The following CATSPERT variants were observed in gnomAD, a reference collection of about 807,000 sequenced individuals.
CATSPERT encodes the protein catsper channel auxiliary subunit tau, also known as cation channel sperm-associated targeting subunit tau.
the CATSPERT span, among the ~76,000 whole-genome samples, chr2:201,595,224 T>A: frequency 6.7e-6 from 1 of 149,200 alleles, no homozygotes; most frequent in Non-Finnish European, 1.5e-5. Context: ...GGAGTCTCAC[T>A]GTCGCCCAGG....
the CATSPERT span, among the ~76,000 whole-genome samples, chr2:201,530,547 C>T: frequency 2.0e-5 from 3 of 149,978 alleles, no homozygotes; most frequent in Non-Finnish European, 4.4e-5. Flanking sequence ...GGCATATTTC[C>T]CAACAGTACC....
At chr2:201,514,447 G>T in the CATSPERT span, among the ~76,000 whole-genome samples, 30 of 152,138 alleles carry the variant, frequency 2.0e-4, no homozygotes, top group Admixed American at 1.8e-3. Flanking sequence ...GATCATATCA[G>T]TAATTTCAGA....
At chr2:201,497,233 C>T in the CATSPERT span, among the ~76,000 whole-genome samples, 2 of 152,220 alleles carry the variant, frequency 1.3e-5, no homozygotes, top group Non-Finnish European at 2.9e-5. Flanking sequence ...TCCTCACATA[C>T]CAACTCTATA....
the CATSPERT span, among the ~76,000 whole-genome samples, chr2:201,530,096 GAATGAT>G: frequency 6.6e-6 from 1 of 152,010 alleles, no homozygotes; most frequent in Non-Finnish European, 1.5e-5. Context: ...TCAAAAAGAA[GAATGAT>G]ACGTGTTGGC....
the CATSPERT span, chr2:201,574,160 T>C: frequency 7.4e-7 from 1 of 1,345,668 alleles, no homozygotes; most frequent in Non-Finnish European, 1.0e-6. Context: ...AGAGGACGAT[T>C]TGACTGAAGA....
At chr2:201,565,899 T>C in the CATSPERT span, 35 of 1,560,094 alleles carry the variant, frequency 2.2e-5, no homozygotes, top group Non-Finnish European at 2.5e-5. Context: ...AAGTGAAATA[T>C]TGAAATTATA....
chr2:201,586,899 T>C, the CATSPERT span, among the ~76,000 whole-genome samples: 2 of 152,242 alleles, frequency 1.3e-5, no homozygotes, highest in African/African-American at 4.8e-5. Flanking sequence ...TTTACTGTCA[T>C]TTTCTAAGTT....
the CATSPERT span, chr2:201,491,413 T>C: frequency 6.5e-6 from 10 of 1,537,262 alleles, no homozygotes; most frequent in African/African-American, 1.4e-5. Flanking sequence ...TTGGAATGAC[T>C]GTATTTCAGG....
the CATSPERT span, among the ~76,000 whole-genome samples, chr2:201,602,048 G>A: frequency 6.6e-6 from 1 of 151,922 alleles, no homozygotes; most frequent in East Asian, 1.9e-4. Context: ...GCCCATCACT[G>A]GTGGACACAA....
At chr2:201,518,716 A>G in the CATSPERT span, among the ~76,000 whole-genome samples, 1 of 152,260 alleles carries the variant, frequency 6.6e-6, no homozygotes, top group Admixed American at 6.5e-5. Context: ...TTCAGTTGGT[A>G]ATAATGCACT....
chr2:201,562,420 C>G, the CATSPERT span, among the ~76,000 whole-genome samples: 1 of 151,820 alleles, frequency 6.6e-6, no homozygotes, highest in Non-Finnish European at 1.5e-5. Flanking sequence ...ATCTCCTGAC[C>G]TCGTGATCCA....
chr2:201,501,437 C>T, the CATSPERT span, among the ~76,000 whole-genome samples: 1 of 111,696 alleles, frequency 9.0e-6, no homozygotes, highest in African/African-American at 3.3e-5. Context: ...CTCAAATTAA[C>T]AACTTAACTT....
the CATSPERT span, among the ~76,000 whole-genome samples, chr2:201,530,702 G>A: frequency 1.0e-3 from 157 of 152,196 alleles, 2 homozygotes; most frequent in East Asian, 0.027. Flanking sequence ...CTAATCTTCT[G>A]CAGACCCTAC....
chr2:201,494,769 T>A, the CATSPERT span: 4 of 1,482,166 alleles, frequency 2.7e-6, no homozygotes, highest in Admixed American at 2.5e-5. Context: ...ACTGCAATAT[T>A]AAAAAAAAGG....
chr2:201,492,478 C>G, the CATSPERT span: 1 of 1,534,668 alleles, frequency 6.5e-7, no homozygotes, highest in Non-Finnish European at 8.7e-7. Flanking sequence ...TTCAAACCTT[C>G]TACCAAAACT....
At chr2:201,604,640 T>G in the CATSPERT span, 5 of 1,601,174 alleles carry the variant, frequency 3.1e-6, no homozygotes, top group African/African-American at 5.4e-5. Context: ...AAATTTGGCG[T>G]CTCCTGTGTT....
chr2:201,604,535 C>T, the CATSPERT span: 1 of 875,488 alleles, frequency 1.1e-6, no homozygotes, highest in Admixed American at 2.9e-5. Flanking sequence ...TCAGAGAGAA[C>T]CATTTTCTGC....
the CATSPERT span, among the ~76,000 whole-genome samples, chr2:201,513,602 T>C: frequency 2.6e-5 from 4 of 152,146 alleles, no homozygotes; most frequent in African/African-American, 9.7e-5. Flanking sequence ...GAAAAATAAA[T>C]TGTTCTACCA....
the CATSPERT span, among the ~76,000 whole-genome samples, chr2:201,525,866 G>GA: frequency 2.6e-5 from 4 of 151,984 alleles, no homozygotes; most frequent in African/African-American, 9.7e-5. Flanking sequence ...AGAAAACATA[G>GA]AAAAAATGGA....
Sources: allele counts gnomAD v4.1 joint callset (sites outside exome capture counted in the v4.1 genomes callset), GRCh38; gene constraint gnomAD v4.1.1; transcripts MANE v1.5; gene names NCBI Gene and HGNC (gene_info 2026-07-23, HGNC 2026-07-21).